Variants in TCF12 observed in about 807,000 individuals in gnomAD.
The protein encoded by TCF12 is DNA-binding protein HTF4.
A neutral mutation model predicts 86.0 loss-of-function variants in TCF12; 45 were observed. The ratio of observed to expected loss-of-function variants is 0.52; its 90% CI spans 0.41 to 0.67. TCF12 has a LOEUF of 0.67. Among genes scored for constraint, TCF12 ranks in the 30% least tolerant of loss-of-function variants. The probability of loss-of-function intolerance (pLI) is 0.00; values close to 1 mark genes in which losing one functional copy is unlikely to be tolerated. For synonymous variants in TCF12, 330 were observed against 299.6 expected (o/e 1.10, Z -1.05); for missense variants, 881 against 859.9 (o/e 1.02, Z -0.31).
intron 5 of TCF12, among the ~76,000 whole-genome samples, chr15:57,105,367 T>C (rs2050070286): frequency 6.6e-6 from 1 of 152,200 alleles, no homozygotes; most frequent in Non-Finnish European, 1.5e-5. Flanking sequence ...AACCTTTGTG[T>C]GTGCCTCATT....
intron 6 of TCF12, among the ~76,000 whole-genome samples, chr15:57,191,426 G>C (rs1207128669): frequency 6.6e-6 from 1 of 152,154 alleles, no homozygotes; most frequent in Non-Finnish European, 1.5e-5. Flanking sequence ...TCGTGCCCCT[G>C]CATTCCAGCC....
intron 3 of TCF12, among the ~76,000 whole-genome samples, chr15:56,977,009 A>G (rs1595930563): frequency 6.6e-6 from 1 of 152,194 alleles, no homozygotes; most frequent in African/African-American, 2.4e-5. Context: ...ATATGTATCT[A>G]GTGGCTACCA....
intron 8 of TCF12, among the ~76,000 whole-genome samples, chr15:57,223,716 T>C (rs575186786): frequency 6.8e-6 from 1 of 146,198 alleles, no homozygotes; most frequent in Non-Finnish European, 1.5e-5. Flanking sequence ...TAAATACTTA[T>C]AAGACTTATT....
intron 3 of TCF12, among the ~76,000 whole-genome samples, chr15:56,961,126 CAAAAA>C (rs35067646): frequency 7.3e-6 from 1 of 136,206 alleles, no homozygotes; most frequent in African/African-American, 2.8e-5. Context: ...AACTCTGTCT[CAAAAA>C]AAAAAAAAAA....
At chr15:57,247,977 C>A (rs1479346884) in intron 13 of TCF12, 2 of 731,996 alleles carry the variant, frequency 2.7e-6, no homozygotes, top group African/African-American at 1.7e-5. Context: ...CATGGCCCTT[C>A]TCCCCCACCA....
chr15:57,011,166 C>T (rs2141162060), intron 3 of TCF12, among the ~76,000 whole-genome samples: 1 of 152,160 alleles, frequency 6.6e-6, no homozygotes, highest in African/African-American at 2.4e-5. Flanking sequence ...GTGTTTGTGC[C>T]CTCCAAACCT....
At chr15:57,251,486 C>G (rs1366903811) in intron 14 of TCF12, 63 bp downstream of exon 14, 21 of 1,501,300 alleles carry the variant, frequency 1.4e-5, no homozygotes, top group Non-Finnish European at 1.9e-5. Context: ...TTTGGTCAAT[C>G]TGGCATAACA....
chr15:57,090,686 T>G (rs2048936928), intron 4 of TCF12, among the ~76,000 whole-genome samples: 1 of 152,106 alleles, frequency 6.6e-6, no homozygotes, highest in South Asian at 2.1e-4. Context: ...GTTCAGTGAT[T>G]GATGATTTTT....
intron 7 of TCF12, among the ~76,000 whole-genome samples, chr15:57,194,739 C>G (rs550159512): frequency 6.6e-6 from 1 of 152,276 alleles, no homozygotes; most frequent in East Asian, 1.9e-4. Context: ...AAGCGTCTTT[C>G]ACGTATTATC....
intron 19 of TCF12, 34 bp from the exon 20 acceptor site, chr15:57,282,411 C>A: frequency 6.2e-7 from 1 of 1,613,596 alleles, no homozygotes; most frequent in Non-Finnish European, 8.5e-7. Context: ...TAACTTAAAA[C>A]CATAGTGATA....
chr15:57,133,266 T>C (rs1234470924), intron 5 of TCF12, among the ~76,000 whole-genome samples: 1 of 152,256 alleles, frequency 6.6e-6, no homozygotes, highest in South Asian at 2.1e-4. Flanking sequence ...TCAGGTTGTT[T>C]TAGCACTGCG....
intron 5 of TCF12, among the ~76,000 whole-genome samples, chr15:57,164,838 AC>A (rs1371223150): frequency 2.0e-5 from 3 of 151,962 alleles, no homozygotes; most frequent in Non-Finnish European, 4.4e-5. Flanking sequence ...GTGCCACCAC[AC>A]TTGGCTAATT....
intron 19 of TCF12, among the ~76,000 whole-genome samples, chr15:57,278,849 C>G (rs2061544576): frequency 6.7e-6 from 1 of 149,322 alleles, no homozygotes; most frequent in Non-Finnish European, 1.5e-5. Context: ...CTCTTTCCTC[C>G]TTTTTTCTTT....
intron 2 of TCF12, 26 bp downstream of exon 2, chr15:56,920,014 G>A (rs1241000301): frequency 1.4e-5 from 22 of 1,613,174 alleles, no homozygotes; most frequent in Non-Finnish European, 1.8e-5. Context: ...ATGGCATCTT[G>A]GGGTTCTGCT....
Position 57,071,925 on chromosome 15 carries a change from A to G in TCF12, c.222+8102A>G, listed in dbSNP as rs562621509. 2.0e-5 allele frequency among the ~76,000 whole-genome samples: 3 copies of G among 152,320 alleles called. No individual in the cohort carries two copies. In the South Asian group the frequency reaches 6.2e-4, roughly 32 times the overall value. On this transcript the variant is annotated intron_variant, in intron 4 of 20. Transcript: ENST00000333725. ...CATTACAAAATTCGGTAGATAATAA[A>G]TCAGCTTACTTTGTGGGAAAATAGT...
At chr15:57,144,327 CAGAA>C (rs1436732199) in intron 5 of TCF12, among the ~76,000 whole-genome samples, 3 of 152,174 alleles carry the variant, frequency 2.0e-5, no homozygotes, top group Non-Finnish European at 4.4e-5. Flanking sequence ...ATGAAAGTGA[CAGAA>C]AGAGAAATAG....
chr15:57,202,437 C>CA (rs2057588824), intron 8 of TCF12, among the ~76,000 whole-genome samples: 1 of 139,368 alleles, frequency 7.2e-6, no homozygotes, highest in Non-Finnish European at 1.6e-5. Context: ...CTGCCCTCAG[C>CA]TTTTTTTTTT....
At chr15:57,064,084 C>T (rs551983274) in intron 4 of TCF12, among the ~76,000 whole-genome samples, 1 of 152,290 alleles carries the variant, frequency 6.6e-6, no homozygotes, top group South Asian at 2.1e-4. Context: ...GCTTAGAATG[C>T]ATAAGTGCTC....
At chr15:57,156,159 T>G (rs1284248056) in intron 5 of TCF12, among the ~76,000 whole-genome samples, 1 of 152,252 alleles carries the variant, frequency 6.6e-6, no homozygotes, top group African/African-American at 2.4e-5. Context: ...TACATCATCT[T>G]TATTACAAAA....
Sources: gnomAD v4.1 joint callset for allele counts (sites outside exome capture counted in the v4.1 genomes callset) on GRCh38, gnomAD v4.1.1 for gene constraint, MANE v1.5 for transcripts, NCBI Gene and HGNC (gene_info 2026-07-23, HGNC 2026-07-21) for gene names.